SMIM41: variants seen among roughly 807,000 people sequenced by gnomAD.
The protein encoded by SMIM41 is small integral membrane protein 41.
chr12:52,089,932 C>T (rs1457399894), intron 2 of SMIM41, among the ~76,000 whole-genome samples: 1 of 152,180 alleles, frequency 6.6e-6, no homozygotes, highest in Non-Finnish European at 1.5e-5. Context: ...AACTTTAGCA[C>T]GTCTTTTTTG....
chr12:52,092,008 G>C (rs777719805), intron 2 of SMIM41: 3 of 152,184 alleles, frequency 2.0e-5, no homozygotes, highest in African/African-American at 7.2e-5. Flanking sequence ...ATGGATTTGC[G>C]TTTTCTCCCA....
At chr12:52,105,130 T>G (rs1429755581) in intron 2 of SMIM41, among the ~76,000 whole-genome samples, 1 of 152,226 alleles carries the variant, frequency 6.6e-6, no homozygotes, top group East Asian at 1.9e-4. Context: ...TCTCAAATCC[T>G]TGTCACTCAG....
Position 52,107,777 on chromosome 12 carries a change from CTT to C in SMIM41, c.*603_*604del. 2.9e-6 allele frequency: 1 copy of C among 346,300 alleles called. No individual in the cohort carries two copies. Among genetic ancestry groups the C allele is most frequent in the Non-Finnish European group, 5.6e-6 (1 of 178,164 alleles). 21.5% of individuals were successfully genotyped at this position (346,300 alleles called of 1,614,324 possible). A position where few individuals can be genotyped will look rare whatever the true frequency, so the allele number is the denominator to read the frequency against. On this transcript the variant is annotated 3_prime_UTR_variant, in exon 3 of 3. Coordinates refer to ENST00000546390, the MANE Select transcript of SMIM41 (RefSeq NM_001369216.1). ...TTCTGTGGCTTCCTAGTTTTGCTGT[CTT>C]TTTTTTTTCTCAGTCTTTTAGACTC...
intron 2 of SMIM41, among the ~76,000 whole-genome samples, chr12:52,105,324 TTTCC>T (rs1421160574): frequency 6.6e-6 from 1 of 152,244 alleles, no homozygotes; most frequent in East Asian, 1.9e-4. Flanking sequence ...TGTTCCTGGC[TTTCC>T]TTACAGCTCT....
intron 1 of SMIM41, among the ~76,000 whole-genome samples, chr12:52,082,917 G>T (rs959939576): frequency 1.3e-5 from 2 of 152,138 alleles, no homozygotes; most frequent in Admixed American, 1.3e-4. Flanking sequence ...GCCACTCTGG[G>T]GATCCCCTGC....
chr12:52,097,370 C>G (rs540858344), intron 2 of SMIM41, among the ~76,000 whole-genome samples: 13 of 151,018 alleles, frequency 8.6e-5, no homozygotes, highest in Non-Finnish European at 1.9e-4. Context: ...ATATTACGAG[C>G]CACATTGCAG....
intron 2 of SMIM41, among the ~76,000 whole-genome samples, chr12:52,101,237 A>G (rs1940211205): frequency 6.6e-6 from 1 of 152,170 alleles, no homozygotes; most frequent in Non-Finnish European, 1.5e-5. Context: ...CTCCTGGCCA[A>G]CATAGTGAAA....
At chr12:52,091,401 T>G (rs946840899) in intron 2 of SMIM41, among the ~76,000 whole-genome samples, 2 of 152,232 alleles carry the variant, frequency 1.3e-5, no homozygotes, top group Non-Finnish European at 2.9e-5. Context: ...TGAGAGCTAC[T>G]TTTTGTTGAA....
At chr12:52,103,628 A>G (rs1940266442) in intron 2 of SMIM41, among the ~76,000 whole-genome samples, 1 of 151,450 alleles carries the variant, frequency 6.6e-6, no homozygotes, top group African/African-American at 2.4e-5. Context: ...GTGTGGTGGC[A>G]CACGCCTGTA....
At chr12:52,099,883 A>G (rs1452173999) in intron 2 of SMIM41, among the ~76,000 whole-genome samples, 1 of 152,034 alleles carries the variant, frequency 6.6e-6, no homozygotes, top group Non-Finnish European at 1.5e-5. Context: ...TTAGAAAAAT[A>G]TCACAGTGGG....
chr12:52,095,199 TG>T (rs201437145), intron 2 of SMIM41, among the ~76,000 whole-genome samples: 2,224 of 152,122 alleles, frequency 0.015, 54 homozygotes, highest in African/African-American at 0.051. Context: ...CCACGCTCCT[TG>T]GTCTCCCCAC....
intron 2 of SMIM41, among the ~76,000 whole-genome samples, chr12:52,095,834 G>T (rs1940083236): frequency 6.6e-6 from 1 of 152,022 alleles, no homozygotes; most frequent in South Asian, 2.1e-4. Flanking sequence ...GAAACAGAGT[G>T]GGTGTACACC....
intron 2 of SMIM41, among the ~76,000 whole-genome samples, chr12:52,101,878 A>G (rs538064525): frequency 6.6e-6 from 1 of 152,040 alleles, no homozygotes; most frequent in African/African-American, 2.4e-5. Flanking sequence ...ACACCCAGCT[A>G]ATGTTGTATT....
intron 2 of SMIM41, among the ~76,000 whole-genome samples, chr12:52,095,448 C>G (rs963611766): frequency 7.9e-5 from 12 of 152,006 alleles, no homozygotes; most frequent in Non-Finnish European, 1.3e-4. Flanking sequence ...TGGAAATTAC[C>G]AACTATATCA....
intron 2 of SMIM41, among the ~76,000 whole-genome samples, chr12:52,089,415 T>C (rs1259029729): frequency 6.6e-6 from 1 of 151,840 alleles, no homozygotes; most frequent in Non-Finnish European, 1.5e-5. Flanking sequence ...GGCAACACAG[T>C]GAGACCCCCT....
In SMIM41 at chr12:52,107,366, TTCC is replaced by T. The variant is rs1305469677; in HGVS notation, c.*196-5_*196-3del. 17 of 522,722 alleles carry T rather than the reference TTCC, an allele frequency of 3.3e-5. No individual in the cohort carries two copies. The highest frequency in any genetic ancestry group is 5.7e-5 in the Non-Finnish European group (15 of 263,610). The allele number at this position is 522,722 out of a possible 1,614,324, so 32.4% of individuals were successfully genotyped here. A position where few individuals can be genotyped will look rare whatever the true frequency, so the allele number is the denominator to read the frequency against. On this transcript the variant is annotated splice_polypyrimidine_tract_variant and intron_variant, in intron 2 of 2. Transcript: ENST00000546390. ...ACAGAATCTAACAGATGTCTCTATA[TTCC>T]TCCTCCTAGAACCTCAGAGGATCCA...
At chr12:52,093,791 T>A (rs1489956367) in intron 2 of SMIM41, among the ~76,000 whole-genome samples, 1 of 152,232 alleles carries the variant, frequency 6.6e-6, no homozygotes, top group Non-Finnish European at 1.5e-5. Flanking sequence ...ATGGACAGAT[T>A]CTTTATTCAA....
At position 52,088,488 on chromosome 12, in the gene SMIM41, C is replaced by T. The variant is rs559818317; in HGVS notation, c.*195+4520C>T. On this transcript the variant is annotated intron_variant, in intron 2 of 2. Coordinates refer to ENST00000546390, the MANE Select transcript of SMIM41 (RefSeq NM_001369216.1). ...GAAGGTGCCAGAGCACACCCACAGC[C>T]AGGTTCTTCCCTCGGGAGCCGTCTC... Among the ~76,000 whole-genome samples, 4 of 152,306 alleles carry T rather than the reference C, an allele frequency of 2.6e-5. No individual in the cohort carries two copies. In the South Asian group the frequency reaches 8.3e-4, roughly 32 times the overall value.
chr12:52,098,017 A>C (rs1940133224), intron 2 of SMIM41, among the ~76,000 whole-genome samples: 2 of 150,548 alleles, frequency 1.3e-5, no homozygotes, highest in Admixed American at 1.3e-4. Context: ...TATTGGGAGA[A>C]GTATCATCCT....
Sources: allele counts gnomAD v4.1 joint callset (sites outside exome capture counted in the v4.1 genomes callset), GRCh38; gene constraint gnomAD v4.1.1; transcripts MANE v1.5; gene names NCBI Gene and HGNC (gene_info 2026-07-23, HGNC 2026-07-21).